Variants in AREG observed in about 807,000 individuals in gnomAD.
AREG encodes amphiregulin.
Under a neutral mutation model 28.0 loss-of-function variants are expected in AREG, and 16 were observed. That is an observed-to-expected ratio of 0.57 (90% confidence interval 0.39 to 0.87). The LOEUF (loss-of-function observed/expected upper bound fraction) is 0.87, where lower values mean the gene tolerates loss of function less well. Among genes scored for constraint, AREG ranks in the 40% least tolerant of loss-of-function variants. The pLI, the probability that AREG is intolerant of heterozygous loss-of-function variation, is 0.00. For missense variants in AREG, 287 were observed against 309.1 expected (o/e 0.93, Z 0.53); for synonymous variants, 113 against 113.5 (o/e 1.00, Z 0.02).
intron 1 of AREG, among the ~76,000 whole-genome samples, chr4:74,445,757 C>T (rs1204918421): frequency 1.3e-5 from 2 of 152,156 alleles, no homozygotes; most frequent in African/African-American, 4.8e-5. Context: ...TGTTTGCTGC[C>T]TCCTGCCTAA....
At chr4:74,452,919 A>AT (rs1311857773) in intron 5 of AREG, among the ~76,000 whole-genome samples, 1 of 151,532 alleles carries the variant, frequency 6.6e-6, no homozygotes, top group Non-Finnish European at 1.5e-5. Flanking sequence ...GATAGGAAAA[A>AT]AATGTAAGAA....
intron 3 of AREG, among the ~76,000 whole-genome samples, chr4:74,449,591 T>C (rs1158831400): frequency 6.6e-6 from 1 of 151,938 alleles, no homozygotes; most frequent in Admixed American, 6.6e-5. Context: ...CTACAAAAAA[T>C]ACAAAAAAGT....
Position 74,445,168 on chromosome 4 carries a change from G to A in AREG, c.-178G>A. 1 of 1,394,748 alleles carries A rather than the reference G, an allele frequency of 7.2e-7. No individual in the cohort carries two copies. Among genetic ancestry groups the A allele is most frequent in the Non-Finnish European group, 9.5e-7 (1 of 1,050,196 alleles). 86.4% of individuals were successfully genotyped at this position (1,394,748 alleles called of 1,614,324 possible). A position where few individuals can be genotyped will look rare whatever the true frequency, so the allele number is the denominator to read the frequency against. ...CGCACACCTGGGTGCCAGCGCCCCA[G>A]AGGTCCCGGGACAGCCCGAGGCGCC... On this transcript the variant is annotated 5_prime_UTR_variant, in exon 1 of 6. Coordinates refer to ENST00000395748, the MANE Select transcript of AREG (RefSeq NM_001657.4).
At chr4:74,446,427 C>T in intron 1 of AREG, 107 bp from the exon 2 acceptor site, 1 of 1,590,880 alleles carries the variant, frequency 6.3e-7, no homozygotes. Flanking sequence ...AGCACATGTG[C>T]AATAACTGCT....
intron 1 of AREG, among the ~76,000 whole-genome samples, chr4:74,445,640 G>GACGGGAGAGATC (rs1200381842): frequency 6.6e-6 from 1 of 152,232 alleles, no homozygotes; most frequent in Non-Finnish European, 1.5e-5. Context: ...CAGCTGAGAA[G>GACGGGAGAGATC]ACGGGAGAGA....
rs1245312619 is a variant in AREG, at chr4:74,447,803, T to C, written c.310+1021T>C. On this transcript the variant is annotated intron_variant, in intron 2 of 5. Coordinates refer to ENST00000395748, the MANE Select transcript of AREG (RefSeq NM_001657.4). ...TGGGTGAGTGGGAAGTGAGAAAACC[T>C]TTAGCGAACACTCCACTTAATTCCC... 2.6e-5 allele frequency among the ~76,000 whole-genome samples: 4 copies of C among 152,262 alleles called. No individual in the cohort carries two copies. The East Asian group carries it at 5.8e-4, about 22-fold the overall frequency.
At chr4:74,454,005 A>T (rs1417448118) in intron 5 of AREG, among the ~76,000 whole-genome samples, 1 of 152,070 alleles carries the variant, frequency 6.6e-6, no homozygotes, top group Non-Finnish European at 1.5e-5. Flanking sequence ...CTGAATCAGA[A>T]TTCTATTTTT....
chr4:74,446,757 C>T lies in AREG; in HGVS notation c.285C>T (p.Gly95=), dbSNP rs1218388954. ...ATGATAACGAACCACAAATACCTGG[C>T]TATATTGTCGATGATTCAGTCAGAG... ...EEYDNEPQIP[G]YIVDDSVRVE... is the part of the protein sequence containing the mutation. The change falls in exon 2 of 6, where the codon GGC becomes GGT. Residue 95 remains glycine, a synonymous_variant. Coordinates refer to ENST00000395748, the MANE Select transcript of AREG (RefSeq NM_001657.4). 1 of 1,613,776 alleles carries T rather than the reference C, an allele frequency of 6.2e-7. No individual in the cohort carries two copies. The highest frequency in any genetic ancestry group is 8.5e-7 in the Non-Finnish European group (1 of 1,179,862).
chr4:74,446,338 C>T (rs1253271407), intron 1 of AREG, among the ~76,000 whole-genome samples, 196 bp from the exon 2 acceptor site: 1 of 152,178 alleles, frequency 6.6e-6, no homozygotes, highest in African/African-American at 2.4e-5. Context: ...AAAAGCACTT[C>T]TGTAATTGGG....
At chr4:74,451,719 A>G (rs1289433147) in intron 4 of AREG, among the ~76,000 whole-genome samples, 3 of 152,216 alleles carry the variant, frequency 2.0e-5, no homozygotes, top group Non-Finnish European at 4.4e-5. Context: ...TCGCTAGTTA[A>G]GGAAGATGTT....
chr4:74,454,483 T>C (rs989399020), intron 5 of AREG, among the ~76,000 whole-genome samples: 1 of 152,240 alleles, frequency 6.6e-6, no homozygotes, highest in Non-Finnish European at 1.5e-5. Flanking sequence ...TGTTGCATTT[T>C]TATTAAGCAG....
intron 2 of AREG, chr4:74,448,502 C>G (rs1348054486): frequency 2.0e-5 from 3 of 152,794 alleles, no homozygotes; most frequent in East Asian, 1.9e-4. Context: ...TTGGATAAAC[C>G]TCTTCAGACA....
At position 74,445,415 on chromosome 4, in the gene AREG, T is replaced by A. The variant is rs759092294; in HGVS notation, c.61+9T>A. 25 of 1,606,800 alleles carry A rather than the reference T, an allele frequency of 1.6e-5. No homozygotes were observed. In the South Asian group the frequency reaches 2.8e-4, roughly 18 times the overall value. On this transcript the variant is annotated intron_variant, in intron 1 of 5. Transcript: ENST00000395748. ...CTTGATACTCGGCTCAGGTGAGGAT[T>A]CACCGGCGCTGAACTGCTGGGCTCT...
intron 2 of AREG, 141 bp downstream of exon 2, chr4:74,446,923 C>A: frequency 1.3e-6 from 2 of 1,541,638 alleles, no homozygotes; most frequent in Non-Finnish European, 1.8e-6. Flanking sequence ...TAAACTGTGA[C>A]AAAAAGAACC....
intron 2 of AREG, among the ~76,000 whole-genome samples, chr4:74,447,304 C>G (rs1719309303): frequency 1.3e-5 from 2 of 152,002 alleles, no homozygotes. Context: ...AATAAGGGGA[C>G]AAGGAAGTAA....
chr4:74,448,750 T>C (rs1391072842), intron 2 of AREG: 3 of 315,462 alleles, frequency 9.5e-6, no homozygotes, highest in South Asian at 1.2e-4. Flanking sequence ...AATCTGGGTG[T>C]TGGAGCATTG....
rs982078781 is a variant in AREG at position 74,446,791 on chromosome 4, G to A, written c.310+9G>A. ...CGATGATTCAGTCAGAGGTGAGTAGGGGATAAAGCAAAAATATGGCCTGTG... is the reference window on the plus strand; with the variant it reads ...CGATGATTCAGTCAGAGGTGAGTAGAGGATAAAGCAAAAATATGGCCTGTG... On this transcript the variant is annotated intron_variant, in intron 2 of 5. Transcript: ENST00000395748. 2,333 of 1,613,900 alleles carry A rather than the reference G, an allele frequency of 1.4e-3. 32 individuals are homozygous for A. In the African/African-American group the frequency reaches 0.027, roughly 19 times the overall value.
chr4:74,453,982 A>C (rs1345541066), intron 5 of AREG, among the ~76,000 whole-genome samples: 1 of 151,978 alleles, frequency 6.6e-6, no homozygotes, highest in Non-Finnish European at 1.5e-5. Flanking sequence ...TCCTAAGCCC[A>C]GCCCTAAATC....
At chr4:74,448,642 A>G (rs1719329850) in intron 2 of AREG, 1 of 178,642 alleles carries the variant, frequency 5.6e-6, no homozygotes, top group African/African-American at 2.4e-5. Context: ...TAAATCTCTG[A>G]AGCACTGAAT....
Sources: allele counts gnomAD v4.1 joint callset (sites outside exome capture counted in the v4.1 genomes callset), GRCh38; gene constraint gnomAD v4.1.1; transcripts MANE v1.5; gene names NCBI Gene and HGNC (gene_info 2026-07-23, HGNC 2026-07-21).